The following NEGR1 variants were observed in gnomAD, a reference collection of about 807,000 sequenced individuals.
NEGR1 encodes neuronal growth regulator 1, also known as IgLON family member 4.
In NEGR1, 10 loss-of-function variants were observed where a neutral mutation model predicts 40.9. The ratio of observed to expected loss-of-function variants is 0.24; its 90% confidence interval spans 0.15 to 0.42. The LOEUF (loss-of-function observed/expected upper bound fraction) is 0.42, where lower values mean the gene tolerates loss of function less well. Among genes scored for constraint, NEGR1 ranks in the 10% least tolerant of loss-of-function variants. The pLI, the probability that NEGR1 is intolerant of heterozygous loss-of-function variation, is 1.00. For synonymous variants in NEGR1, 185 were observed against 166.8 expected (o/e 1.11, Z -0.84); for missense variants, 352 against 438.9 (o/e 0.80, Z 1.77).
In NEGR1 at chr1:71,914,727, A is replaced by C. The variant is rs553119229; in HGVS notation, c.409+20352T>G. Among the ~76,000 whole-genome samples the C allele has an allele frequency of 4.6e-5, 7 of 152,238 alleles. No homozygotes were observed. In the South Asian group the frequency reaches 1.5e-3, roughly 32 times the overall value. On this transcript the variant is annotated intron_variant, in intron 2 of 6. Transcript: ENST00000357731. Reference sequence around the variant, plus strand: ...TTTTGAGTAGCCTCCTGATGGGAGGATTGAGAGCTACCACAGCTCATGTAG... The same window carrying C: ...TTTTGAGTAGCCTCCTGATGGGAGGCTTGAGAGCTACCACAGCTCATGTAG...
intron 4 of NEGR1, among the ~76,000 whole-genome samples, chr1:71,623,741 GA>G (rs1260547996): frequency 4.0e-5 from 6 of 151,896 alleles, no homozygotes; most frequent in African/African-American, 1.4e-4. Flanking sequence ...AGGGGTGGTA[GA>G]AAAACTGTAA....
intron 1 of NEGR1, among the ~76,000 whole-genome samples, chr1:72,119,182 G>A (rs1012739780): frequency 1.3e-5 from 2 of 151,882 alleles, no homozygotes; most frequent in Non-Finnish European, 2.9e-5. Context: ...CTAGGTGTTT[G>A]CAGTTTGACA....
chr1:71,572,422 AAC>A (rs1439107861), intron 6 of NEGR1, among the ~76,000 whole-genome samples: 2 of 152,194 alleles, frequency 1.3e-5, no homozygotes, highest in Non-Finnish European at 2.9e-5. Flanking sequence ...ACAAACTCTT[AAC>A]ACATACTTAT....
At position 71,640,160 on chromosome 1, in the gene NEGR1, C is replaced by T. The variant is rs150285582; in HGVS notation, c.668-29014G>A. On this transcript the variant is annotated intron_variant, in intron 4 of 6. Coordinates refer to ENST00000357731, the MANE Select transcript of NEGR1 (RefSeq NM_173808.3). The stretch of plus-strand genomic sequence containing the variant: ...CCAACAGTTTCCGGTATGGGTTATC[C>T]TGTGCAGGAACAAATTACATGTGAA... 8.4e-3 allele frequency among the ~76,000 whole-genome samples: 1,276 copies of T among 152,124 alleles called. 12 individuals carry two copies. The highest frequency in any genetic ancestry group is 0.029 in the African/African-American group (1,209 of 41,510).
At chr1:71,673,530 G>T (rs1003869831) in intron 4 of NEGR1, among the ~76,000 whole-genome samples, 2 of 151,898 alleles carry the variant, frequency 1.3e-5, no homozygotes, top group African/African-American at 4.8e-5. Context: ...AAGCATTATA[G>T]GATCTAGGAT....
At chr1:71,669,694 A>G (rs919106344) in intron 4 of NEGR1, among the ~76,000 whole-genome samples, 4 of 151,898 alleles carry the variant, frequency 2.6e-5, no homozygotes, top group African/African-American at 9.7e-5. Context: ...CTCTGTTCCC[A>G]GGCTGGAGTG....
intron 4 of NEGR1, among the ~76,000 whole-genome samples, chr1:71,624,892 T>C (rs919261628): frequency 6.6e-6 from 1 of 152,008 alleles, no homozygotes; most frequent in East Asian, 1.9e-4. Flanking sequence ...TTATTGTTAG[T>C]TGTCTCCCCT....
intron 4 of NEGR1, among the ~76,000 whole-genome samples, chr1:71,627,039 C>T (rs1035805423): frequency 6.6e-6 from 1 of 152,160 alleles, no homozygotes; most frequent in Admixed American, 6.6e-5. Flanking sequence ...CACTTTTACA[C>T]TGTTGGTGGG....
At chr1:71,873,605 G>A (rs748719488) in intron 2 of NEGR1, among the ~76,000 whole-genome samples, 2 of 152,052 alleles carry the variant, frequency 1.3e-5, no homozygotes, top group Non-Finnish European at 2.9e-5. Flanking sequence ...TAATCTATGT[G>A]CAAATATGCT....
chr1:71,943,998 A>G (rs997935670), intron 1 of NEGR1, among the ~76,000 whole-genome samples: 7 of 152,210 alleles, frequency 4.6e-5, no homozygotes, highest in African/African-American at 1.4e-4. Context: ...CTTTGTTCCA[A>G]TGGCTTTAAA....
chr1:71,863,198 C>T (rs199975888), intron 2 of NEGR1, among the ~76,000 whole-genome samples: 1 of 152,112 alleles, frequency 6.6e-6, no homozygotes, highest in African/African-American at 2.4e-5. Flanking sequence ...GGAATCACTC[C>T]AAATGCCCAT....
intron 6 of NEGR1, among the ~76,000 whole-genome samples, chr1:71,433,912 T>C (rs567599838): frequency 8.5e-5 from 13 of 152,352 alleles, no homozygotes; most frequent in Middle Eastern, 6.8e-3. Flanking sequence ...ATTGGGAATA[T>C]GTTTTACCAA....
chr1:72,022,614 A>G (rs1557487976), intron 1 of NEGR1, among the ~76,000 whole-genome samples: 2 of 151,726 alleles, frequency 1.3e-5, no homozygotes, highest in South Asian at 4.1e-4. Flanking sequence ...AAAGGCTACA[A>G]TAGATATTGT....
intron 4 of NEGR1, among the ~76,000 whole-genome samples, chr1:71,619,356 C>A (rs1225925328): frequency 6.6e-6 from 1 of 152,042 alleles, no homozygotes; most frequent in East Asian, 1.9e-4. Context: ...TGGCCTGGCA[C>A]CTGAAGTGTA....
intron 1 of NEGR1, among the ~76,000 whole-genome samples, chr1:72,146,085 C>T (rs1342232872): frequency 2.0e-5 from 3 of 152,032 alleles, no homozygotes; most frequent in African/African-American, 7.2e-5. Context: ...CTTCACAATA[C>T]TATGTTTTCA....
intron 2 of NEGR1, among the ~76,000 whole-genome samples, chr1:71,815,488 T>C (rs12078969): frequency 0.12 from 18,838 of 151,910 alleles, 1,954 homozygotes; most frequent in African/African-American, 0.29. Flanking sequence ...AATTATCTGT[T>C]TAATATTGGC....
intron 1 of NEGR1, among the ~76,000 whole-genome samples, chr1:71,983,790 A>G (rs1646373105): frequency 6.6e-6 from 1 of 152,222 alleles, no homozygotes; most frequent in South Asian, 2.1e-4. Context: ...TGATCAAAAT[A>G]GCAAGTAAAT....
At chr1:72,256,310 A>G (rs866703769) in intron 1 of NEGR1, among the ~76,000 whole-genome samples, 4 of 152,214 alleles carry the variant, frequency 2.6e-5, no homozygotes, top group African/African-American at 9.6e-5. Flanking sequence ...AAGTGTTGAC[A>G]CAATGCTCAT....
chr1:71,453,228 T>G (rs1319300461), intron 6 of NEGR1, among the ~76,000 whole-genome samples: 4 of 152,156 alleles, frequency 2.6e-5, no homozygotes, highest in Non-Finnish European at 5.9e-5. Context: ...GAGCAGGATA[T>G]TCTTCAACTA....
Sources: allele counts gnomAD v4.1 joint callset (sites outside exome capture counted in the v4.1 genomes callset), GRCh38; gene constraint gnomAD v4.1.1; transcripts MANE v1.5; gene names NCBI Gene and HGNC (gene_info 2026-07-23, HGNC 2026-07-21).